Variants in VWF observed in about 807,000 individuals in gnomAD.
The protein encoded by VWF is von Willebrand factor.
Under a neutral mutation model 308.6 loss-of-function variants are expected in VWF, and 176 were observed. That is an observed-to-expected ratio of 0.57 (90% CI 0.50 to 0.65). VWF has a LOEUF of 0.65. Among genes scored for constraint, VWF ranks in the 30% least tolerant of loss-of-function variants. The pLI is 0.00. For synonymous variants in VWF, 1,385 were observed against 1,443.4 expected (o/e 0.96, Z 0.92); for missense variants, 3,146 against 3,648.2 (o/e 0.86, Z 3.55).
chr12:5,952,536 G>A lies in VWF; in HGVS notation c.7987-17C>T, dbSNP rs1943203520. 3.1e-6 allele frequency: 5 copies of A among 1,612,498 alleles called. No individual in the cohort carries two copies. The highest frequency in any genetic ancestry group is 3.4e-6 in the Non-Finnish European group (4 of 1,179,134). On this transcript the variant is annotated splice_polypyrimidine_tract_variant and intron_variant, in intron 48 of 51. Transcript: ENST00000261405. ...CTCATCACGCTGGAAGGAAAGAGGA[G>A]TGGGTAAAGTCAGAGACAGTGTTTG...
At chr12:6,009,964 G>A (rs145692309) in intron 34 of VWF, among the ~76,000 whole-genome samples, 293 of 152,226 alleles carry the variant, frequency 1.9e-3, no homozygotes, top group African/African-American at 6.6e-3. Context: ...TGGTGGTTGC[G>A]GGGGCTAGGG....
At chr12:6,118,338 G>A (rs1379998642) in intron 3 of VWF, among the ~76,000 whole-genome samples, 1 of 150,692 alleles carries the variant, frequency 6.6e-6, no homozygotes, top group African/African-American at 2.4e-5. Context: ...CCCCACCCCG[G>A]GCACTGCAGT....
At chr12:6,121,124 G>A (rs1260164313) in intron 3 of VWF, 50 bp downstream of exon 3, 1 of 1,610,328 alleles carries the variant, frequency 6.2e-7, no homozygotes, top group African/African-American at 1.3e-5. Context: ...CCAGGGCTAA[G>A]CTCAGCCAGC....
chr12:6,111,570 T>G (rs894812153), intron 3 of VWF, among the ~76,000 whole-genome samples: 1 of 152,090 alleles, frequency 6.6e-6, no homozygotes, highest in Non-Finnish European at 1.5e-5. Flanking sequence ...AGACAAGATC[T>G]CACCGTGTCG....
At chr12:6,003,635 T>G (rs2136395367) in intron 34 of VWF, among the ~76,000 whole-genome samples, 1 of 152,222 alleles carries the variant, frequency 6.6e-6, no homozygotes, top group South Asian at 2.1e-4. Flanking sequence ...AAAGAGGTGC[T>G]TAGAGTAGTC....
At chr12:6,081,630 A>G (rs567457698) in intron 6 of VWF, among the ~76,000 whole-genome samples, 11 of 152,232 alleles carry the variant, frequency 7.2e-5, no homozygotes, top group Non-Finnish European at 1.3e-4. Context: ...GAGCCACGGC[A>G]CCTGGCCTAA....
At chr12:6,084,585 A>T (rs1048619319) in intron 6 of VWF, among the ~76,000 whole-genome samples, 4 of 152,176 alleles carry the variant, frequency 2.6e-5, no homozygotes, top group African/African-American at 9.7e-5. Context: ...GAGGAGAGAA[A>T]GCAGAGCCAG....
intron 5 of VWF, among the ~76,000 whole-genome samples, chr12:6,103,048 C>T (rs570902981): frequency 6.6e-6 from 1 of 152,234 alleles, no homozygotes; most frequent in Admixed American, 6.5e-5. Context: ...CATAGATCGG[C>T]CAGGCGTGGT....
chr12:6,074,623 A>G (rs1944820387), intron 7 of VWF, among the ~76,000 whole-genome samples: 1 of 152,038 alleles, frequency 6.6e-6, no homozygotes, highest in Non-Finnish European at 1.5e-5. Flanking sequence ...ACTGAGACAC[A>G]CGTGTGCAGT....
chr12:6,111,031 T>G, intron 3 of VWF, 63 bp from the exon 4 acceptor site: 2 of 1,417,458 alleles, frequency 1.4e-6, no homozygotes, highest in Non-Finnish European at 2.0e-6. Context: ...ATACATTGAT[T>G]AAGAATCATT....
intron 51 of VWF, 35 bp from the exon 52 acceptor site, chr12:5,949,238 A>G (rs1490534724): frequency 1.9e-6 from 3 of 1,605,996 alleles, no homozygotes; most frequent in Admixed American, 3.3e-5. Context: ...GAGCTTCACA[A>G]TGGTGGGAAG....
At chr12:6,012,758 G>A (rs778398072) in intron 32 of VWF, among the ~76,000 whole-genome samples, 1 of 150,768 alleles carries the variant, frequency 6.6e-6, no homozygotes, top group Non-Finnish European at 1.5e-5. Flanking sequence ...CTGGAGTACA[G>A]TGGCGCGATC....
intron 41 of VWF, 64 bp from the exon 42 acceptor site, chr12:5,982,055 T>C (rs2136371567): frequency 1.3e-6 from 2 of 1,501,456 alleles, no homozygotes; most frequent in South Asian, 1.1e-5. Flanking sequence ...TATTCAGCTA[T>C]GCTATAGGGT....
intron 40 of VWF, among the ~76,000 whole-genome samples, chr12:5,983,630 T>C (rs984315268): frequency 6.6e-6 from 1 of 151,782 alleles, no homozygotes; most frequent in African/African-American, 2.4e-5. Flanking sequence ...GACAGATAGA[T>C]ATAGAATAGA....
chr12:6,099,369 G>C (rs1945137788), intron 5 of VWF, among the ~76,000 whole-genome samples: 1 of 148,924 alleles, frequency 6.7e-6, no homozygotes, highest in African/African-American at 2.5e-5. Context: ...TGTTAACCTA[G>C]TCTAAGTTCT....
In VWF at chr12:6,020,592, C is replaced by A. The variant is rs1944118739; in HGVS notation, c.3675-849G>T. On this transcript the variant is annotated intron_variant, in intron 27 of 51. Coordinates refer to ENST00000261405, the MANE Select transcript of VWF (RefSeq NM_000552.5). This position sits in a 1 kb window ranked among gnomAD's most constrained non-coding sequence, Gnocchi z 4.3. The stretch of plus-strand genomic sequence containing the variant: ...GTAACATCACCTTTTTGCCAGTGTC[C>A]CGGAAAGTGGCACGGCCTGCCAGCC... Among the ~76,000 whole-genome samples the A allele has an allele frequency of 1.3e-5, 2 of 152,218 alleles. No individual in the cohort carries two copies. Among genetic ancestry groups the A allele is most frequent in the Admixed American group, 6.5e-5 (1 of 15,284 alleles).
chr12:5,967,056 A>C (rs188678287), intron 47 of VWF, among the ~76,000 whole-genome samples: 1 of 152,214 alleles, frequency 6.6e-6, no homozygotes, highest in Non-Finnish European at 1.5e-5. Context: ...GTCCCGCAAT[A>C]ATAGCTTGGT....
At chr12:6,070,641 T>G (rs1295974369) in intron 10 of VWF, among the ~76,000 whole-genome samples, 2 of 152,114 alleles carry the variant, frequency 1.3e-5, no homozygotes, top group African/African-American at 4.8e-5. Context: ...ACCACGTGAG[T>G]GAGCACAGAG....
intron 47 of VWF, among the ~76,000 whole-genome samples, chr12:5,964,219 A>ATAC (rs1943355175): frequency 2.5e-5 from 3 of 118,166 alleles, no homozygotes; most frequent in Non-Finnish European, 5.4e-5. Flanking sequence ...TCTGTCTAAA[A>ATAC]ATACATACAT....
Sources: allele counts gnomAD v4.1 joint callset (sites outside exome capture counted in the v4.1 genomes callset), GRCh38; gene constraint gnomAD v4.1.1; non-coding constraint Gnocchi (gnomAD v3.1); transcripts MANE v1.5; gene names NCBI Gene and HGNC (gene_info 2026-07-23, HGNC 2026-07-21).